The following TRAP1 variants were observed in gnomAD, a reference collection of about 807,000 sequenced individuals.
TRAP1 encodes the protein TNF receptor associated protein 1, also known as heat shock protein 75 kDa, mitochondrial.
A neutral mutation model predicts 89.1 loss-of-function variants in TRAP1; 102 were observed. That is an observed-to-expected ratio of 1.15 (90% CI 0.98 to 1.35). The LOEUF is 1.35. Among genes scored for constraint, TRAP1 ranks in the 40% most tolerant of loss-of-function variants. The pLI is 0.00. For missense variants in TRAP1, 1,256 were observed against 945.3 expected (o/e 1.33, Z -4.31); for synonymous variants, 508 against 388.0 (o/e 1.31, Z -3.64).
At chr16:3,660,617 C>G (rs938535167) in intron 16 of TRAP1, 1 of 152,238 alleles carries the variant, frequency 6.6e-6, no homozygotes, top group Non-Finnish European at 1.5e-5. Flanking sequence ...CATACTGGCG[C>G]TGCTGTGCAC....
chr16:3,705,894 T>C (rs754547666), intron 1 of TRAP1, among the ~76,000 whole-genome samples: 27 of 151,864 alleles, frequency 1.8e-4, no homozygotes, highest in African/African-American at 6.0e-4. Flanking sequence ...GGTTTCTCCA[T>C]GTTGGTCAGG....
At chr16:3,697,072 C>A (rs1403974869) in intron 1 of TRAP1, among the ~76,000 whole-genome samples, 2 of 152,138 alleles carry the variant, frequency 1.3e-5, no homozygotes, top group Non-Finnish European at 2.9e-5. Flanking sequence ...AAGTCACACT[C>A]CACAGAGATC....
At chr16:3,697,690 C>T (rs1408815247) in intron 1 of TRAP1, among the ~76,000 whole-genome samples, 2 of 149,530 alleles carry the variant, frequency 1.3e-5, no homozygotes, top group Admixed American at 6.7e-5. Flanking sequence ...GGAAATTAGT[C>T]TTTTGGTTGT....
chr16:3,664,337 G>A lies in TRAP1; in HGVS notation c.1506C>T (p.Ala502=). ...AGTGCTCTGCCAGGTGACGGTTGGG[G>A]GCGCACAGGTAGTAGATGTTGCGGG... The part of the protein sequence containing the change: ...AGTRNIYYLC[A]PNRHLAEHSP... Residue 502 remains alanine, a synonymous_variant, in exon 13 of 18, where the codon GCC becomes GCT. Transcript: ENST00000246957. 6.2e-7 allele frequency: 1 copy of A among 1,613,014 alleles called. No homozygotes were observed. Among genetic ancestry groups the A allele is most frequent in the Non-Finnish European group, 8.5e-7 (1 of 1,179,654 alleles).
intron 1 of TRAP1, among the ~76,000 whole-genome samples, chr16:3,702,388 T>C (rs1450576449): frequency 6.6e-6 from 1 of 151,798 alleles, no homozygotes; most frequent in Non-Finnish European, 1.5e-5. Flanking sequence ...ACTGTGCTGC[T>C]TCACAGACCT....
intron 13 of TRAP1, 72 bp from the exon 14 acceptor site, chr16:3,663,634 G>T: frequency 6.3e-7 from 1 of 1,590,602 alleles, no homozygotes; most frequent in Non-Finnish European, 8.5e-7. Flanking sequence ...GGATGAGGGC[G>T]GCAGGAGGGC....
At position 3,675,611 on chromosome 16, in the gene TRAP1, G is replaced by T. The variant is rs576804457; in HGVS notation, c.815-214C>A. On this transcript the variant is annotated intron_variant, in intron 7 of 17. Coordinates refer to ENST00000246957, the MANE Select transcript of TRAP1 (RefSeq NM_016292.3). Reference sequence around the variant, plus strand: ...AGCCCACGTGAGAACCAGAGCTGTGGAGGCCCCGGCTGCTGCGAGACTGCA... The same window carrying T: ...AGCCCACGTGAGAACCAGAGCTGTGTAGGCCCCGGCTGCTGCGAGACTGCA... Among the ~76,000 whole-genome samples, 8 of 152,226 alleles carry T rather than the reference G, an allele frequency of 5.3e-5. No individual in the cohort carries two copies. The South Asian group carries it at 1.7e-3, about 32-fold the overall frequency.
rs755371658 is a variant in TRAP1, at chr16:3,672,712, G to A, written c.1153C>T (p.Arg385Cys). 5.3e-5 allele frequency: 86 copies of A among 1,608,596 alleles called. No individual in the cohort carries two copies. The highest frequency in any genetic ancestry group is 6.7e-5 in the African/African-American group (5 of 74,838). ...KATDILPKWL[R>C]FIRGVVDSED... The stretch of plus-strand genomic sequence containing the variant: ...CTGAGCAGCGTACCTCGGATGAAGC[G>A]CAGCCACTTGGGCAGGATGTCCGTG... The change falls in exon 10 of 18, where the codon CGC becomes TGC. Residue 385 changes from arginine to cysteine, a missense_variant. Arg to Cys is a radical substitution (Grantham distance 180). Transcript: ENST00000246957.
At chr16:3,699,331 T>G (rs2051333126) in intron 1 of TRAP1, among the ~76,000 whole-genome samples, 1 of 152,186 alleles carries the variant, frequency 6.6e-6, no homozygotes, top group African/African-American at 2.4e-5. Context: ...CTTTTTATGC[T>G]GCCCATTTAA....
intron 1 of TRAP1, among the ~76,000 whole-genome samples, chr16:3,697,072 C>G (rs1403974869): frequency 6.6e-6 from 1 of 152,138 alleles, no homozygotes; most frequent in African/African-American, 2.4e-5. Context: ...AAGTCACACT[C>G]CACAGAGATC....
At position 3,706,930 on chromosome 16, in the gene TRAP1, T is replaced by C. The variant is rs185577917; in HGVS notation, c.88+10491A>G. 1.6e-4 allele frequency among the ~76,000 whole-genome samples: 25 copies of C among 152,288 alleles called. No individual in the cohort carries two copies. The East Asian group carries it at 4.4e-3, about 27-fold the overall frequency. The stretch of plus-strand genomic sequence containing the variant: ...GTCATATGGTAATTCGGTTTGACTG[T>C]GTGAGGAGCTGCAAGAATGTTTTCC... On this transcript the variant is annotated intron_variant, in intron 1 of 17. Coordinates refer to ENST00000246957, the MANE Select transcript of TRAP1 (RefSeq NM_016292.3).
intron 1 of TRAP1, among the ~76,000 whole-genome samples, chr16:3,716,929 C>A (rs1412753942): frequency 2.0e-5 from 3 of 152,192 alleles, no homozygotes; most frequent in Non-Finnish European, 4.4e-5. Flanking sequence ...ACTGAGCGGG[C>A]GCTCACATGT....
At chr16:3,714,067 C>G (rs747236963) in intron 1 of TRAP1, among the ~76,000 whole-genome samples, 4 of 152,228 alleles carry the variant, frequency 2.6e-5, no homozygotes, top group Non-Finnish European at 5.9e-5. Context: ...GCTTTCCAGA[C>G]ATGGAACGTT....
chr16:3,659,447 A>G (rs957375465), intron 16 of TRAP1: 2 of 152,210 alleles, frequency 1.3e-5, no homozygotes, highest in African/African-American at 4.8e-5. Flanking sequence ...ATGTTTCATC[A>G]TCTCAGAAGG....
intron 2 of TRAP1, among the ~76,000 whole-genome samples, chr16:3,690,319 A>T (rs2051196210): frequency 6.6e-6 from 1 of 152,188 alleles, no homozygotes; most frequent in Admixed American, 6.5e-5. Flanking sequence ...ATTCTTCAAA[A>T]AAGCGGTTTC....
At chr16:3,668,939 G>A (rs192923281) in intron 11 of TRAP1, among the ~76,000 whole-genome samples, 293 of 152,346 alleles carry the variant, frequency 1.9e-3, no homozygotes, top group African/African-American at 6.8e-3. Flanking sequence ...AGGGACGCCA[G>A]GAGCTCCCTC....
chr16:3,704,001 C>T (rs955835374), intron 1 of TRAP1, among the ~76,000 whole-genome samples: 3 of 129,634 alleles, frequency 2.3e-5, no homozygotes, highest in Non-Finnish European at 4.8e-5. Context: ...GGCGACAGAG[C>T]GAGACCCCGT....
chr16:3,687,820 C>T (rs1340184283), intron 3 of TRAP1, among the ~76,000 whole-genome samples: 8 of 148,664 alleles, frequency 5.4e-5, no homozygotes, highest in African/African-American at 2.0e-4. Context: ...TGCACTCCAG[C>T]CTGGGCGTCA....
At chr16:3,698,524 G>C (rs2051321371) in intron 1 of TRAP1, among the ~76,000 whole-genome samples, 1 of 151,764 alleles carries the variant, frequency 6.6e-6, no homozygotes, top group African/African-American at 2.4e-5. Context: ...GGATGGTCTT[G>C]ATCTCCTGAC....
Sources: allele counts gnomAD v4.1 joint callset (sites outside exome capture counted in the v4.1 genomes callset), GRCh38; gene constraint gnomAD v4.1.1; transcripts MANE v1.5; gene names NCBI Gene and HGNC (gene_info 2026-07-23, HGNC 2026-07-21).